CNBD2: variants seen among roughly 807,000 people sequenced by gnomAD.
The protein encoded by CNBD2 is cyclic nucleotide-binding domain-containing protein 2.
CNBD2 carries 64 observed loss-of-function variants against 63.7 expected under a neutral mutation model. The observed-to-expected ratio is 1.00, with a 90% confidence interval of 0.82 to 1.24. The LOEUF (loss-of-function observed/expected upper bound fraction) is 1.24. Ranked by LOEUF, CNBD2 falls within the 50% of genes most tolerant of loss-of-function variation. CNBD2 has a pLI of 0.00. For synonymous variants in CNBD2, 229 were observed against 255.4 expected, an observed-to-expected ratio of 0.90 and a Z score of 0.99; for missense variants, 691 against 713.5, an observed-to-expected ratio of 0.97 and a Z score of 0.36.
intron 7 of CNBD2, among the ~76,000 whole-genome samples, chr20:35,989,866 G>GGAGA (rs35862163): frequency 0.075 from 9,130 of 121,594 alleles, 531 homozygotes; most frequent in South Asian, 0.18. Context: ...GATGAGAGAG[G>GGAGA]GAGAGAGAGA....
At chr20:36,013,822 G>A (rs1385924376) in intron 10 of CNBD2, among the ~76,000 whole-genome samples, 1 of 152,146 alleles carries the variant, frequency 6.6e-6, no homozygotes, top group Non-Finnish European at 1.5e-5. Flanking sequence ...ATGGATTAGA[G>A]TTGAAAACAT....
chr20:35,957,653 A>G (rs1450847509), downstream of CNBD2: 1 of 152,216 alleles, frequency 6.6e-6, no homozygotes, highest in Non-Finnish European at 1.5e-5. Flanking sequence ...TATATCCTTG[A>G]ACCCTCCCAG....
intron 2 of CNBD2, among the ~76,000 whole-genome samples, chr20:35,975,464 C>G (rs1232119378): frequency 1.0e-5 from 1 of 97,176 alleles, no homozygotes; most frequent in Admixed American, 1.1e-4. Flanking sequence ...CCACGCCCGG[C>G]TAATTTTTTG....
In CNBD2 at chr20:35,984,128, G is replaced by A. The variant is rs758811912; in HGVS notation, c.554G>A (p.Ser185Asn). The change falls in exon 5 of 12, where the codon AGC becomes AAC. Residue 185 changes from serine to asparagine, a missense_variant. By Grantham distance (46) the Ser-to-Asn change is conservative (BLOSUM62 1). Coordinates refer to ENST00000373973, the MANE Select transcript of CNBD2 (RefSeq NM_001365709.1). ...CACCCGAAATTGCTGCACAAGGGTA[G>A]CTGTTTTGGGGTAAGCCCAGGGGAA... ...DPHPKLLHKG[S>N]CFGEMDVLHA... is the part of the protein sequence containing the mutation. 6.2e-7 allele frequency: 1 copy of A among 1,605,626 alleles called. No homozygotes were observed. Among genetic ancestry groups the A allele is most frequent in the Admixed American group, 1.7e-5 (1 of 59,452 alleles).
At chr20:36,002,676 AT>A (rs765262866) in intron 8 of CNBD2, among the ~76,000 whole-genome samples, 19 of 152,018 alleles carry the variant, frequency 1.2e-4, no homozygotes, top group Non-Finnish European at 2.5e-4. Flanking sequence ...CTGATTTTGA[AT>A]TTTTTTATCA....
intron 4 of CNBD2, 63 bp downstream of exon 4, chr20:35,980,685 T>C (rs189127976): frequency 7.9e-6 from 12 of 1,521,960 alleles, no homozygotes; most frequent in Admixed American, 5.4e-5. Flanking sequence ...AGAGCCTGGC[T>C]GAGAAGGTGT....
At chr20:35,998,980 T>A (rs192668612) in intron 8 of CNBD2, among the ~76,000 whole-genome samples, 1 of 152,186 alleles carries the variant, frequency 6.6e-6, no homozygotes, top group East Asian at 1.9e-4. Flanking sequence ...TTTTGCCTCA[T>A]ATATTTTGAA....
chr20:35,981,843 G>A (rs1941736494), intron 4 of CNBD2, among the ~76,000 whole-genome samples: 1 of 152,194 alleles, frequency 6.6e-6, no homozygotes, highest in African/African-American at 2.4e-5. Context: ...CCAGCCTGGT[G>A]TGGTCCTCTG....
At chr20:36,023,292 A>C (rs1353723604) in intron 10 of CNBD2, among the ~76,000 whole-genome samples, 1 of 152,158 alleles carries the variant, frequency 6.6e-6, no homozygotes, top group Non-Finnish European at 1.5e-5. Context: ...TGGGAGACCG[A>C]GGCGGGTAGA....
intron 10 of CNBD2, among the ~76,000 whole-genome samples, chr20:36,015,917 C>T (rs973803687): frequency 2.0e-5 from 3 of 152,138 alleles, no homozygotes; most frequent in Admixed American, 1.3e-4. Context: ...ATAGGACTTC[C>T]TTCCAAAGAG....
chr20:36,008,299 T>C lies in CNBD2; in HGVS notation c.973T>C (p.Tyr325His), dbSNP rs750308241. 4.4e-6 allele frequency: 7 copies of C among 1,606,442 alleles called. No homozygotes were observed. The African/African-American group carries it at 6.7e-5, about 15-fold the overall frequency. ...TTTTCCTGTGCTTTCTCTAACAGAA[T>C]ACTCTCCTATGGAAAGATTTAAGGA... ...GRPLKTHLSE[Y>H]SPMERFKEFQ... The change falls in exon 9 of 12, where the codon TAC becomes CAC. Residue 325 changes from tyrosine to histidine, a missense_variant and splice_region_variant. Coordinates refer to ENST00000373973, the MANE Select transcript of CNBD2 (RefSeq NM_001365709.1).
chr20:36,002,950 A>G (rs911292239), intron 8 of CNBD2, among the ~76,000 whole-genome samples: 3 of 152,024 alleles, frequency 2.0e-5, no homozygotes, highest in Admixed American at 1.3e-4. Flanking sequence ...TGTGTTTCAC[A>G]GCTCACTGAT....
chr20:36,002,718 C>T (rs1215697763), intron 8 of CNBD2, among the ~76,000 whole-genome samples: 2 of 151,916 alleles, frequency 1.3e-5, no homozygotes, highest in East Asian at 3.9e-4. Context: ...TATGTTGTGC[C>T]TTGGTATAAT....
intron 8 of CNBD2, among the ~76,000 whole-genome samples, chr20:36,005,221 A>AT (rs915328173): frequency 2.0e-5 from 3 of 152,052 alleles, no homozygotes; most frequent in Non-Finnish European, 4.4e-5. Context: ...GTGGAAGACA[A>AT]TTTTTTCACA....
chr20:35,964,120 C>T (rs1008582083), upstream of CNBD2, among the ~76,000 whole-genome samples: 1 of 152,206 alleles, frequency 6.6e-6, no homozygotes, highest in African/African-American at 2.4e-5. Flanking sequence ...TCCTGAGCAT[C>T]TCACGTTTTA....
chr20:35,967,956 C>T (rs6060726), upstream of CNBD2, among the ~76,000 whole-genome samples: 15,348 of 152,178 alleles, frequency 0.1, 822 homozygotes, highest in South Asian at 0.16. Flanking sequence ...CAAGGGTGAG[C>T]CAGTGGTGTT....
At chr20:36,002,878 A>G (rs1488627523) in intron 8 of CNBD2, among the ~76,000 whole-genome samples, 2 of 152,046 alleles carry the variant, frequency 1.3e-5, no homozygotes, top group Non-Finnish European at 2.9e-5. Context: ...CTCCAATTAC[A>G]TGTATATTGG....
intron 10 of CNBD2, among the ~76,000 whole-genome samples, chr20:36,014,108 G>A (rs147929749): frequency 0.035 from 5,117 of 145,194 alleles, 305 homozygotes; most frequent in African/African-American, 0.13. Context: ...GCGGGAACCC[G>A]GGAGGCAGAG....
At chr20:36,028,684 G>GTTTTTTTTTTTTT (rs1568937487) in intron 11 of CNBD2, among the ~76,000 whole-genome samples, 7 of 94,872 alleles carry the variant, frequency 7.4e-5, no homozygotes, top group African/African-American at 6.9e-4. Flanking sequence ...GTCACGGGCT[G>GTTTTTTTTTTTTT]GTTTTTTTTG....
Sources: gnomAD v4.1 joint callset for allele counts (sites outside exome capture counted in the v4.1 genomes callset) on GRCh38, gnomAD v4.1.1 for gene constraint, MANE v1.5 for transcripts, NCBI Gene and HGNC (gene_info 2026-07-23, HGNC 2026-07-21) for gene names.